PNPT1: variants seen among roughly 807,000 people sequenced by gnomAD.
PNPT1 encodes polyribonucleotide nucleotidyltransferase 1, also known as polyribonucleotide nucleotidyltransferase 1, mitochondrial.
A neutral mutation model predicts 119.5 loss-of-function variants in PNPT1; 53 were observed. The observed-to-expected ratio is 0.44, with a 90% CI of 0.36 to 0.56. PNPT1 has a LOEUF of 0.56. Ranked by LOEUF, PNPT1 falls within the 20% of genes least tolerant of loss-of-function variation. PNPT1 has a pLI of 0.00. For synonymous variants in PNPT1, 357 were observed against 322.1 expected, an observed-to-expected ratio of 1.11 and a Z score of -1.16; for missense variants, 948 against 938.5, an observed-to-expected ratio of 1.01 and a Z score of -0.13.
In PNPT1 at chr2:55,656,307, T is replaced by C. The variant is rs1696384855; in HGVS notation, c.1349A>G (p.His450Arg). 1 of 1,611,940 alleles carries C rather than the reference T, an allele frequency of 6.2e-7. No homozygotes were observed. The highest frequency in any genetic ancestry group is 8.5e-7 in the Non-Finnish European group (1 of 1,179,254). Residue 450 changes from histidine (H) to arginine (R), a missense_variant and splice_region_variant, in exon 16 of 28, where the codon CAT becomes CGT. His to Arg is a conservative substitution (Grantham distance 29). Transcript: ENST00000447944. ...TAAGTTTACAGACCTGTACTTACCA[T>C]GCCCAAGTTCTCTTCTATTTAAACC... ...VTGLNRRELG[H>R]GALAEKALYP...
rs1559095407 is a variant in PNPT1 at position 55,656,386 on chromosome 2, A to AC, written c.1285-16_1285-15insG. 2 of 1,577,788 alleles carry AC rather than the reference A, an allele frequency of 1.3e-6. No individual in the cohort carries two copies. Among genetic ancestry groups the AC allele is most frequent in the Admixed American group, 1.9e-5 (1 of 53,526 alleles). On this transcript the variant is annotated splice_polypyrimidine_tract_variant and intron_variant, in intron 15 of 27. Coordinates refer to ENST00000447944, the MANE Select transcript of PNPT1 (RefSeq NM_033109.5). Reference sequence around the variant, plus strand: ...TAAGGAGGAAACTTAAAAAAAAAAAAACACAAACACACATATACAATTGAC... The same window carrying AC: ...TAAGGAGGAAACTTAAAAAAAAAAAACACACAAACACACATATACAATTGAC...
chr2:55,653,902 G>A (rs1038569585), intron 18 of PNPT1, among the ~76,000 whole-genome samples: 1 of 151,988 alleles, frequency 6.6e-6, no homozygotes, highest in Non-Finnish European at 1.5e-5. Context: ...GTGTCTTTAG[G>A]TTCCTTCTCT....
At chr2:55,681,731 G>C (rs963120831) in intron 5 of PNPT1, among the ~76,000 whole-genome samples, 2 of 151,552 alleles carry the variant, frequency 1.3e-5, no homozygotes, top group African/African-American at 4.9e-5. Context: ...TATAATCCCA[G>C]CTACTAGGGA....
intron 4 of PNPT1, 141 bp from the exon 5 acceptor site, chr2:55,683,975 T>A (rs769672278): frequency 6.3e-5 from 44 of 694,344 alleles, no homozygotes; most frequent in Admixed American, 1.5e-4. Flanking sequence ...GGGACACAGA[T>A]AAATGTCAGT....
intron 1 of PNPT1, among the ~76,000 whole-genome samples, chr2:55,690,516 C>G (rs1358893729): frequency 2.0e-5 from 3 of 152,136 alleles, no homozygotes; most frequent in Non-Finnish European, 4.4e-5. Flanking sequence ...AAGGAACAAC[C>G]CTTAATATTT....
chr2:55,659,918 C>T (rs867082943), intron 15 of PNPT1, among the ~76,000 whole-genome samples: 1 of 152,120 alleles, frequency 6.6e-6, no homozygotes, highest in Non-Finnish European at 1.5e-5. Flanking sequence ...GCCTGAGCAA[C>T]ATGGCAAAAC....
chr2:55,636,932 A>G (rs527406160), intron 27 of PNPT1, among the ~76,000 whole-genome samples: 1 of 152,216 alleles, frequency 6.6e-6, no homozygotes, highest in Non-Finnish European at 1.5e-5. Flanking sequence ...CAGAGATACT[A>G]TATCTTAGCA....
At chr2:55,663,660 T>C (rs1337468434) in intron 13 of PNPT1, among the ~76,000 whole-genome samples, 4 of 152,138 alleles carry the variant, frequency 2.6e-5, no homozygotes, top group African/African-American at 7.2e-5. Context: ...TGGGTCCTTT[T>C]CATCAGAAAA....
intron 2 of PNPT1, among the ~76,000 whole-genome samples, chr2:55,686,820 G>C (rs1697418734): frequency 6.6e-6 from 1 of 152,188 alleles, no homozygotes; most frequent in Non-Finnish European, 1.5e-5. Flanking sequence ...GCCCAAGTTT[G>C]GAAAGGATGT....
chr2:55,645,536 T>C, intron 21 of PNPT1, 104 bp from the exon 22 acceptor site: 1 of 679,510 alleles, frequency 1.5e-6, no homozygotes, highest in Non-Finnish European at 2.4e-6. Flanking sequence ...TGTAGCTTAA[T>C]AATTGAAGCT....
At chr2:55,655,775 CTTA>C (rs1356804644) in intron 17 of PNPT1, among the ~76,000 whole-genome samples, 9 of 152,190 alleles carry the variant, frequency 5.9e-5, no homozygotes, top group Non-Finnish European at 1.2e-4. Flanking sequence ...GTGATGTACA[CTTA>C]TTATTCATGT....
Position 55,643,333 on chromosome 2 carries a change from T to C in PNPT1, c.1999A>G (p.Ile667Val), listed in dbSNP as rs1695894704. The change falls in exon 24 of 28, where the codon ATC (isoleucine) becomes GTC (valine). Residue 667 changes from isoleucine to valine, a missense_variant. Transcript: ENST00000447944. ...TCTATACTTACATCATCCTTGCAGA[T>C]TTCAGTAATGAAGTCTCTTGCCTCA... ...MHEARDFITE[I>V]CKDDQEQQLE... 3.1e-6 allele frequency: 5 copies of C among 1,613,972 alleles called. No homozygotes were observed. Among genetic ancestry groups the C allele is most frequent in the Non-Finnish European group, 4.2e-6 (5 of 1,179,796 alleles).
chr2:55,661,998 A>G lies in PNPT1; in HGVS notation c.1205T>C (p.Leu402Ser). Reference sequence around the variant, plus strand: ...TTGATCTGACTTAATACCAGATTCTAATGAATCAAATGTAACGGTACAAAG... The same window carrying G: ...TTGATCTGACTTAATACCAGATTCTGATGAATCAAATGTAACGGTACAAAG... ...QVLCTVTFDSLESGIKSDQVI... is the reference protein window; with the variant it reads ...QVLCTVTFDSSESGIKSDQVI... Residue 402 changes from leucine to serine, a missense_variant, in exon 14 of 28, where the codon TTA (leucine) becomes TCA (serine). Physicochemically the swap from Leu to Ser is moderately radical, Grantham distance 145. Transcript: ENST00000447944. The G allele has an allele frequency of 1.3e-6, 2 of 1,579,230 alleles. No homozygotes were observed. The highest frequency in any genetic ancestry group is 1.7e-6 in the Non-Finnish European group (2 of 1,169,060).
At chr2:55,636,987 G>A (rs904638705) in intron 27 of PNPT1, among the ~76,000 whole-genome samples, 2 of 152,182 alleles carry the variant, frequency 1.3e-5, no homozygotes, top group Non-Finnish European at 2.9e-5. Context: ...ACTACACATT[G>A]GGAATAAACC....
At chr2:55,637,402 T>C in intron 27 of PNPT1, 150 bp downstream of exon 27, 1 of 733,396 alleles carries the variant, frequency 1.4e-6, no homozygotes, top group Non-Finnish European at 2.3e-6. Context: ...TTAATGAGTC[T>C]GTTCAAGCAA....
At chr2:55,655,563 C>T (rs541486740) in intron 17 of PNPT1, among the ~76,000 whole-genome samples, 1 of 152,318 alleles carries the variant, frequency 6.6e-6, no homozygotes, top group South Asian at 2.1e-4. Flanking sequence ...AATTTAGTCA[C>T]ACCCAGTAGA....
At chr2:55,647,520 CA>C in intron 18 of PNPT1, 67 bp from the exon 19 acceptor site, 11 of 1,193,026 alleles carry the variant, frequency 9.2e-6, no homozygotes, top group East Asian at 2.5e-5. Flanking sequence ...ATTTATCTAT[CA>C]ATTTTTTTTT....
chr2:55,647,297 T>C (rs201534085), intron 19 of PNPT1, 50 bp downstream of exon 19: 5 of 1,392,382 alleles, frequency 3.6e-6, no homozygotes, highest in Non-Finnish European at 5.0e-6. Context: ...TTTTTATTTA[T>C]TTATTTTTAG....
intron 15 of PNPT1, among the ~76,000 whole-genome samples, chr2:55,659,556 T>C (rs1272612654): frequency 6.6e-6 from 1 of 152,126 alleles, no homozygotes; most frequent in African/African-American, 2.4e-5. Flanking sequence ...TATTGTCTGC[T>C]ATACTTTAAC....
Sources: allele counts gnomAD v4.1 joint callset (sites outside exome capture counted in the v4.1 genomes callset), GRCh38; gene constraint gnomAD v4.1.1; transcripts MANE v1.5; gene names NCBI Gene and HGNC (gene_info 2026-07-23, HGNC 2026-07-21).